NSD1: variants seen among roughly 807,000 people sequenced by gnomAD.
NSD1 encodes the protein histone-lysine N-methyltransferase, H3 lysine-36 specific.
Under a neutral mutation model 242.7 loss-of-function variants are expected in NSD1, and 26 were observed. The observed-to-expected ratio is 0.11, with a 90% confidence interval of 0.08 to 0.15. The LOEUF is 0.15. Ranked by LOEUF, NSD1 falls within the 10% of genes least tolerant of loss-of-function variation. NSD1 has a pLI of 1.00. For missense variants in NSD1, 2,495 were observed against 3,272.8 expected, an observed-to-expected ratio of 0.76 and a Z score of 5.80; for synonymous variants, 1,106 against 1,178.1, an observed-to-expected ratio of 0.94 and a Z score of 1.25.
chr5:177,233,527 C>G (rs1046882675), intron 5 of NSD1, among the ~76,000 whole-genome samples: 5 of 138,692 alleles, frequency 3.6e-5, no homozygotes, highest in South Asian at 2.4e-4. Flanking sequence ...AGCCACCATG[C>G]CTGGCTAGTA....
intron 2 of NSD1, among the ~76,000 whole-genome samples, chr5:177,180,589 A>G (rs894804357): frequency 2.6e-5 from 4 of 151,634 alleles, no homozygotes; most frequent in Non-Finnish European, 4.4e-5. Flanking sequence ...TAGTCTGTTA[A>G]TTACTGAGAG....
At chr5:177,177,258 T>C (rs1760281741) in intron 2 of NSD1, among the ~76,000 whole-genome samples, 2 of 152,108 alleles carry the variant, frequency 1.3e-5, no homozygotes, top group Non-Finnish European at 2.9e-5. Context: ...CTAATGCCTG[T>C]AATCCCAGCA....
At chr5:177,139,480 CAA>C (rs928865764) in intron 2 of NSD1, among the ~76,000 whole-genome samples, 7 of 149,866 alleles carry the variant, frequency 4.7e-5, no homozygotes, top group Non-Finnish European at 1.0e-4. Context: ...TCTTAGAATG[CAA>C]AGTTAGGTAA....
intron 14 of NSD1, among the ~76,000 whole-genome samples, chr5:177,262,210 T>C (rs1431073311): frequency 6.6e-6 from 1 of 152,210 alleles, no homozygotes; most frequent in Non-Finnish European, 1.5e-5. Flanking sequence ...TTTTGTTTGA[T>C]TTTCTTCTAA....
At position 177,209,717 on chromosome 5, in the gene NSD1, C is replaced by G. The variant is rs1270264665; in HGVS notation, c.1318C>G (p.Arg440Gly). The stretch of plus-strand genomic sequence containing the variant: ...TGATGTTCCCAAGGGGTCAAAGAAC[C>G]GAAAATGTATTCCTGGTTCAATCAA... ...QYDVPKGSKN[R>G]KCIPGSIKLD... The change falls in exon 5 of 23, where the codon CGA becomes GGA. Residue 440 changes from arginine to glycine, a missense_variant. By Grantham distance (125) the Arg-to-Gly change is moderately radical. This residue lies in a region of NSD1 where 515 missense variants were observed against 467.0 expected (regional missense o/e 1.10). Transcript: ENST00000439151. 7 of 1,613,726 alleles carry G rather than the reference C, an allele frequency of 4.3e-6. No individual in the cohort carries two copies. The South Asian group carries it at 5.5e-5, about 13-fold the overall frequency.
intron 6 of NSD1, 62 bp downstream of exon 6, chr5:177,236,007 A>G (rs544593251): frequency 1.7e-5 from 26 of 1,552,228 alleles, no homozygotes; most frequent in Admixed American, 8.4e-5. Flanking sequence ...TTTATCTTCA[A>G]TGTCATACTT....
intron 2 of NSD1, among the ~76,000 whole-genome samples, chr5:177,178,465 A>T (rs1760389528): frequency 6.6e-6 from 1 of 152,132 alleles, no homozygotes; most frequent in African/African-American, 2.4e-5. Context: ...ACCTTAGGTG[A>T]TCCACCTGCC....
chr5:177,135,311 A>ATT lies in NSD1; in HGVS notation c.209_210dup (p.Pro71PhefsTer12). ...TGGACAAGATTCTCCATCTTGTTAC[A>ATT]TTCCACTGCGGAGACTACAGGATTT... On this transcript the variant is annotated frameshift_variant, in exon 2 of 23. Coordinates refer to ENST00000439151, the MANE Select transcript of NSD1 (RefSeq NM_022455.5). LOFTEE classifies it high-confidence loss of function. 1 of 1,613,476 alleles carries ATT rather than the reference A, an allele frequency of 6.2e-7. No individual in the cohort carries two copies. Among genetic ancestry groups the ATT allele is most frequent in the South Asian group, 1.1e-5 (1 of 91,074 alleles).
In NSD1 at chr5:177,200,387, A is replaced by G. The variant is rs542122444; in HGVS notation, c.1064-3733A>G. Among the ~76,000 whole-genome samples, 4 of 152,222 alleles carry G rather than the reference A, an allele frequency of 2.6e-5. No individual in the cohort carries two copies. In the East Asian group the frequency reaches 7.7e-4, roughly 29 times the overall value. On this transcript the variant is annotated intron_variant, in intron 3 of 22. Transcript: ENST00000439151. ...GCCTCCCAAGGTGCTGTCCTGCCTC[A>G]GCCTCCCAAGGTGCTGGGACTACAG...
rs532345998 is a variant in NSD1 at position 177,135,590 on chromosome 5, G to T, written c.487G>T (p.Asp163Tyr). ...GAATTTTACTTGTGTGGACGATGCA[G>T]ATGTAGATTCTGAAATGGACCCAGA... ...FENFTCVDDA[D>Y]VDSEMDPEQP... Residue 163 changes from aspartate to tyrosine, a missense_variant, in exon 2 of 23, where the codon GAT (aspartate) becomes TAT (tyrosine). Physicochemically the swap from Asp to Tyr is radical, Grantham distance 160. Coordinates refer to ENST00000439151, the MANE Select transcript of NSD1 (RefSeq NM_022455.5). 26 of 1,614,206 alleles carry T rather than the reference G, an allele frequency of 1.6e-5. No individual in the cohort carries two copies. The East Asian group carries it at 5.8e-4, about 36-fold the overall frequency.
chr5:177,160,374 C>T (rs59737888), intron 2 of NSD1, among the ~76,000 whole-genome samples: 18,259 of 151,862 alleles, frequency 0.12, 1,819 homozygotes, highest in East Asian at 0.51. Context: ...ACTCTAGGCT[C>T]GCTGCAGCCT....
At chr5:177,138,087 CAACAAAAA>C (rs1434677715) in intron 2 of NSD1, among the ~76,000 whole-genome samples, 30 of 135,440 alleles carry the variant, frequency 2.2e-4, no homozygotes, top group African/African-American at 8.1e-4. Flanking sequence ...AAAAAAAAAA[CAACAAAAA>C]AACAAACAAA....
chr5:177,288,367 A>G (rs1199952447), intron 20 of NSD1, among the ~76,000 whole-genome samples: 1 of 152,230 alleles, frequency 6.6e-6, no homozygotes, highest in Admixed American at 6.5e-5. Context: ...TGTAATCTAC[A>G]GATTTCTAGT....
At chr5:177,174,852 C>A (rs899458407) in intron 2 of NSD1, among the ~76,000 whole-genome samples, 1 of 141,888 alleles carries the variant, frequency 7.0e-6, no homozygotes, top group African/African-American at 2.6e-5. Context: ...TATGAGCCAC[C>A]GTGCCTGGCC....
chr5:177,244,610 T>C (rs1481062218), intron 9 of NSD1, among the ~76,000 whole-genome samples: 1 of 152,218 alleles, frequency 6.6e-6, no homozygotes, highest in Non-Finnish European at 1.5e-5. Flanking sequence ...TTCATGGTCA[T>C]ACTCCTGTCT....
intron 3 of NSD1, among the ~76,000 whole-genome samples, chr5:177,198,826 AAG>A (rs1762295695): frequency 6.6e-6 from 1 of 152,170 alleles, no homozygotes; most frequent in Non-Finnish European, 1.5e-5. Context: ...TCCATACTTG[AAG>A]TTTTCACCAA....
Position 177,138,114 on chromosome 5 carries a change from CAAAA to C in NSD1, c.927+2087_927+2090del, listed in dbSNP as rs1013351028. Among the ~76,000 whole-genome samples, 36 of 143,258 alleles carry C rather than the reference CAAAA, an allele frequency of 2.5e-4. 1 individual carries two copies. The highest frequency in any genetic ancestry group is 8.7e-4 in the African/African-American group (34 of 39,226). The allele number at this position is 143,258 out of a possible 152,430, so 94.0% of individuals were successfully genotyped here. A position where few individuals can be genotyped will look rare whatever the true frequency, so the allele number is the denominator to read the frequency against. On this transcript the variant is annotated intron_variant, in intron 2 of 22. Coordinates refer to ENST00000439151, the MANE Select transcript of NSD1 (RefSeq NM_022455.5). ...ACAAAAAAACAAACAAACAAACAAA[CAAAA>C]AACTGAAAATATTGGAGCCTTTAGA...
chr5:177,175,117 C>CA, intron 2 of NSD1, among the ~76,000 whole-genome samples: 1 of 152,000 alleles, frequency 6.6e-6, no homozygotes, highest in Non-Finnish European at 1.5e-5. Flanking sequence ...GTGATCCACT[C>CA]GCCTCAGCCT....
chr5:177,278,835 G>A (rs946932670), intron 17 of NSD1, among the ~76,000 whole-genome samples: 1 of 152,180 alleles, frequency 6.6e-6, no homozygotes, highest in Non-Finnish European at 1.5e-5. Context: ...AATATGAAAT[G>A]AGGGGAGATA....
Sources: allele counts gnomAD v4.1 joint callset (sites outside exome capture counted in the v4.1 genomes callset), GRCh38; gene constraint gnomAD v4.1.1; regional missense constraint gnomAD v4.1.1; transcripts MANE v1.5; gene names NCBI Gene and HGNC (gene_info 2026-07-23, HGNC 2026-07-21).